Variants in PPARGC1A observed in about 807,000 individuals in gnomAD.
PPARGC1A encodes the protein peroxisome proliferator-activated receptor gamma coactivator 1-alpha.
In PPARGC1A, 25 loss-of-function variants were observed where a neutral mutation model predicts 88.7. The ratio of observed to expected loss-of-function variants is 0.28; its 90% CI spans 0.21 to 0.39. The LOEUF (loss-of-function observed/expected upper bound fraction) is 0.39, where lower values mean the gene tolerates loss of function less well. Ranked by LOEUF, PPARGC1A falls within the 10% of genes least tolerant of loss-of-function variation. PPARGC1A has a pLI of 1.00. For missense variants in PPARGC1A, 880 were observed against 968.7 expected, an observed-to-expected ratio of 0.91 and a Z score of 1.22; for synonymous variants, 363 against 355.6, an observed-to-expected ratio of 1.02 and a Z score of -0.24.
the PPARGC1A span, among the ~76,000 whole-genome samples, chr4:23,922,562 G>A: frequency 1.3e-5 from 2 of 152,204 alleles, no homozygotes; most frequent in Non-Finnish European, 2.9e-5. Flanking sequence ...AGTAAGAGCA[G>A]TGCTTTATTT....
chr4:24,300,964 C>G, the PPARGC1A span, among the ~76,000 whole-genome samples: 1 of 151,720 alleles, frequency 6.6e-6, no homozygotes, highest in Non-Finnish European at 1.5e-5. Flanking sequence ...GATGAGAGAG[C>G]AGAAGGATGG....
At chr4:24,387,766 G>GAAAGAAAGAAAGAAAGAA in the PPARGC1A span, among the ~76,000 whole-genome samples, 17 of 52,068 alleles carry the variant, frequency 3.3e-4, no homozygotes, top group East Asian at 5.1e-4. Flanking sequence ...GAGAGAGAGA[G>GAAAGAAAGAAAGAAAGAA]AGAAAGAAAG....
the PPARGC1A span, among the ~76,000 whole-genome samples, chr4:23,945,349 C>T: frequency 4.5e-4 from 69 of 152,138 alleles, no homozygotes; most frequent in African/African-American, 1.6e-3. Flanking sequence ...CATGCATATA[C>T]ACCCAAGCCA....
At chr4:24,004,458 A>G in the PPARGC1A span, among the ~76,000 whole-genome samples, 1 of 152,228 alleles carries the variant, frequency 6.6e-6, no homozygotes, top group East Asian at 1.9e-4. Flanking sequence ...ATGAAAAAGT[A>G]GTAAAGTCTT....
At chr4:23,901,480 G>C (rs1487944512), upstream of PPARGC1A, among the ~76,000 whole-genome samples, 3 of 149,396 alleles carry the variant, frequency 2.0e-5, no homozygotes, top group Non-Finnish European at 4.4e-5. Flanking sequence ...GGAGGTGGAG[G>C]TTGCAGTGAG....
intron 1 of PPARGC1A, among the ~76,000 whole-genome samples, chr4:23,888,287 T>A (rs528855026): frequency 4.6e-5 from 7 of 152,248 alleles, no homozygotes; most frequent in Admixed American, 4.6e-4. Context: ...AAGAAAAAAA[T>A]TTAAAGGCCA....
At chr4:23,917,353 T>C in the PPARGC1A span, among the ~76,000 whole-genome samples, 4 of 150,360 alleles carry the variant, frequency 2.7e-5, no homozygotes, top group African/African-American at 9.8e-5. Context: ...CACATCATAC[T>C]CTTTTCTGTG....
intron 7 of PPARGC1A, among the ~76,000 whole-genome samples, chr4:23,823,360 C>A (rs548293894): frequency 6.6e-6 from 1 of 151,716 alleles, no homozygotes; most frequent in African/African-American, 2.4e-5. Flanking sequence ...TCAATAGACC[C>A]CCAAATAGTA....
At chr4:24,331,479 C>A in the PPARGC1A span, among the ~76,000 whole-genome samples, 1 of 152,190 alleles carries the variant, frequency 6.6e-6, no homozygotes, top group South Asian at 2.1e-4. Context: ...AGGTAGCAAA[C>A]AAGTTCCAGA....
At chr4:24,014,096 C>T in the PPARGC1A span, among the ~76,000 whole-genome samples, 21,888 of 152,208 alleles carry the variant, frequency 0.14, 2,198 homozygotes, top group Non-Finnish European at 0.21. Context: ...GCATCAAATG[C>T]CTGGTATTTT....
At chr4:23,879,030 G>A (rs1457871818) in intron 2 of PPARGC1A, among the ~76,000 whole-genome samples, 1 of 151,028 alleles carries the variant, frequency 6.6e-6, no homozygotes, top group African/African-American at 2.5e-5. Flanking sequence ...GCTGTGGGCC[G>A]TAAATTTAAT....
In PPARGC1A at chr4:23,795,703, G is replaced by T. The variant is rs984209243; in HGVS notation, c.*119C>A. 1.5e-6 allele frequency: 1 copy of T among 683,622 alleles called. No homozygotes were observed. Among genetic ancestry groups the T allele is most frequent in the South Asian group, 2.0e-5 (1 of 50,588 alleles). The allele number at this position is 683,622 out of a possible 1,614,324, so 42.3% of individuals were successfully genotyped here. On this transcript the variant is annotated 3_prime_UTR_variant, in exon 13 of 13. Coordinates refer to ENST00000264867, the MANE Select transcript of PPARGC1A (RefSeq NM_013261.5). ...ATTGTTGTTGTTTTGTTTTGTTTTT[G>T]TACAGAGAGTGTAAAGTAGGAGAAA...
At chr4:24,055,163 T>C in the PPARGC1A span, among the ~76,000 whole-genome samples, 4 of 152,218 alleles carry the variant, frequency 2.6e-5, no homozygotes, top group African/African-American at 9.6e-5. Context: ...CTCATTTACA[T>C]GACTTGGGGA....
chr4:24,432,031 G>A, the PPARGC1A span, among the ~76,000 whole-genome samples: 1 of 152,182 alleles, frequency 6.6e-6, no homozygotes, highest in Non-Finnish European at 1.5e-5. Flanking sequence ...AAATGGGGGT[G>A]AGGTCACAAG....
At chr4:24,220,018 A>G in the PPARGC1A span, among the ~76,000 whole-genome samples, 2 of 152,208 alleles carry the variant, frequency 1.3e-5, no homozygotes, top group African/African-American at 4.8e-5. Context: ...AGGAACTTAA[A>G]CAAATCAGCA....
chr4:24,149,703 C>A, the PPARGC1A span, among the ~76,000 whole-genome samples: 2 of 152,260 alleles, frequency 1.3e-5, no homozygotes, highest in South Asian at 2.1e-4. Context: ...ATGGAAATGC[C>A]ACTATGCCTG....
chr4:24,074,774 A>G, the PPARGC1A span, among the ~76,000 whole-genome samples: 1 of 152,058 alleles, frequency 6.6e-6, no homozygotes, highest in African/African-American at 2.4e-5. Context: ...TTGGCCCTTA[A>G]GTATCTACCT....
chr4:24,245,761 A>G, the PPARGC1A span, among the ~76,000 whole-genome samples: 1 of 152,240 alleles, frequency 6.6e-6, no homozygotes, highest in Non-Finnish European at 1.5e-5. Context: ...TGAATACAAG[A>G]AAAGAAAAAT....
At chr4:24,233,337 C>T in the PPARGC1A span, among the ~76,000 whole-genome samples, 7 of 152,260 alleles carry the variant, frequency 4.6e-5, no homozygotes, top group East Asian at 1.4e-3. Flanking sequence ...GCACATTGTA[C>T]TAAAGAGTTC....
Sources: allele counts gnomAD v4.1 joint callset (sites outside exome capture counted in the v4.1 genomes callset), GRCh38; gene constraint gnomAD v4.1.1; transcripts MANE v1.5; gene names NCBI Gene and HGNC (gene_info 2026-07-23, HGNC 2026-07-21).